POGZ: variants seen among roughly 807,000 people sequenced by gnomAD.
POGZ encodes pogo transposable element derived with ZNF domain.
In POGZ, 17 loss-of-function variants were observed where a neutral mutation model predicts 134.6. The observed-to-expected ratio is 0.13, with a 90% CI of 0.09 to 0.19. The LOEUF (loss-of-function observed/expected upper bound fraction) is 0.19. Among genes scored for constraint, POGZ ranks in the 10% least tolerant of loss-of-function variants. The pLI, the probability that POGZ is intolerant of heterozygous loss-of-function variation, is 1.00. For missense variants in POGZ, 1,306 were observed against 1,769.7 expected (o/e 0.74, Z 4.70); for synonymous variants, 693 against 657.1 (o/e 1.05, Z -0.84).
chr1:151,438,168 A>G (rs1164221540), intron 3 of POGZ, among the ~76,000 whole-genome samples: 2 of 151,716 alleles, frequency 1.3e-5, no homozygotes, highest in African/African-American at 4.8e-5. Context: ...CCAAGATCAC[A>G]TCACTGCACT....
At chr1:151,443,028 A>AAAC (rs1050114835) in intron 1 of POGZ, among the ~76,000 whole-genome samples, 4 of 152,074 alleles carry the variant, frequency 2.6e-5, no homozygotes, top group Non-Finnish European at 5.9e-5. Context: ...TCCGTCTCAA[A>AAAC]AACAACAACA....
intron 1 of POGZ, among the ~76,000 whole-genome samples, chr1:151,452,622 T>C (rs577181736): frequency 5.3e-4 from 81 of 152,170 alleles, no homozygotes; most frequent in Admixed American, 1.3e-3. Flanking sequence ...TCCCAGCACT[T>C]TGGGAGGCCA....
intron 4 of POGZ, among the ~76,000 whole-genome samples, chr1:151,430,316 A>G (rs553322479): frequency 6.6e-6 from 1 of 152,280 alleles, no homozygotes; most frequent in East Asian, 1.9e-4. Context: ...TACATCTCCA[A>G]AAGTTAACTA....
rs72996038 is a variant in POGZ at position 151,412,092 on chromosome 1, T to C, written c.1779+204A>G. Among the ~76,000 whole-genome samples, 2,620 of 152,338 alleles carry C rather than the reference T, an allele frequency of 0.017. 91 individuals carry two copies. Among genetic ancestry groups the C allele is most frequent in the African/African-American group, 0.06 (2,490 of 41,566 alleles). On this transcript the variant is annotated intron_variant, in intron 11 of 18. Coordinates refer to ENST00000271715, the MANE Select transcript of POGZ (RefSeq NM_015100.4). ...CTTAGAATATGCACATGTTCCCGGC[T>C]AGTCTACTTGTGGACATGTTCTTTT... is the stretch of plus-strand genomic sequence containing the variant.
At chr1:151,438,759 T>C (rs1443323975) in intron 3 of POGZ, among the ~76,000 whole-genome samples, 1 of 152,066 alleles carries the variant, frequency 6.6e-6, no homozygotes, top group African/African-American at 2.4e-5. Flanking sequence ...GTGCCTGTAG[T>C]CCTAGCTACT....
Position 151,408,323 on chromosome 1 carries a change from A to T in POGZ, c.2235-83T>A, listed in dbSNP as rs188916910. 1.9e-6 allele frequency: 3 copies of T among 1,571,636 alleles called. No homozygotes were observed. The East Asian group carries it at 6.7e-5, about 35-fold the overall frequency. ...GGATTTTCAGACAACAAACCCTGCT[A>T]AAAAGCTACCAGATTGCACTGTGTA... On this transcript the variant is annotated intron_variant, in intron 14 of 18. Transcript: ENST00000271715.
In POGZ at chr1:151,408,706, T is replaced by C. The variant is rs1188894955; in HGVS notation, c.2049A>G (p.Lys683=). 3.1e-6 allele frequency: 5 copies of C among 1,613,808 alleles called. No individual in the cohort carries two copies. In the Admixed American group the frequency reaches 6.7e-5, roughly 22 times the overall value. Residue 683 remains lysine (K), a synonymous_variant, in exon 13 of 19, where the codon AAA becomes AAG. Coordinates refer to ENST00000271715, the MANE Select transcript of POGZ (RefSeq NM_015100.4). ...FRKPKQLEGL[K]PGTKVTIRAS... ...GCAAACTCTTTACCTTGGTGCCTGG[T>C]TTCAAGCCCTCCAGCTGCTTGGGTT...
At position 151,404,841 on chromosome 1, in the gene POGZ, A is replaced by G. The variant is rs990921668; in HGVS notation, c.4194T>C (p.Tyr1398=). ...FEGESETESF[Y]GFEEADLDLM... ...GATCTAGGTCAGCTTCTTCAAAGCC[A>G]TAGAAAGACTCGGTCTCACTTTCAC... Residue 1398 remains tyrosine, a synonymous_variant, in exon 19 of 19, where the codon TAT becomes TAC. Coordinates refer to ENST00000271715, the MANE Select transcript of POGZ (RefSeq NM_015100.4). 1 of 1,612,674 alleles carries G rather than the reference A, an allele frequency of 6.2e-7. No homozygotes were observed. Among genetic ancestry groups the G allele is most frequent in the African/African-American group, 1.3e-5 (1 of 74,550 alleles).
chr1:151,431,438 A>G (rs1284844436), intron 3 of POGZ, among the ~76,000 whole-genome samples: 1 of 152,216 alleles, frequency 6.6e-6, no homozygotes, highest in Non-Finnish European at 1.5e-5. Context: ...ATTTTTTAAA[A>G]AGAATATTCA....
rs1366846216 is a variant in POGZ at position 151,417,725 on chromosome 1, CACACAA to C, written c.1679-5335_1679-5330del. 6.3e-3 allele frequency among the ~76,000 whole-genome samples: 848 copies of C among 135,476 alleles called. 9 individuals are homozygous for C. The highest frequency in any genetic ancestry group is 0.026 in the African/African-American group (805 of 31,006). The allele number at this position is 135,476 out of a possible 152,430, so 88.9% of individuals were successfully genotyped here. A position where few individuals can be genotyped will look rare whatever the true frequency, so the allele number is the denominator to read the frequency against. On this transcript the variant is annotated intron_variant, in intron 10 of 18. Coordinates refer to ENST00000271715, the MANE Select transcript of POGZ (RefSeq NM_015100.4). ...ACACACACACACACACACACACACA[CACACAA>C]AAGGCCTTATTTTTTAGAGCTACAT...
intron 10 of POGZ, among the ~76,000 whole-genome samples, chr1:151,416,161 C>T (rs1489280165): frequency 8.3e-6 from 1 of 121,212 alleles, no homozygotes; most frequent in Admixed American, 1.1e-4. Context: ...TGAGCTGAGA[C>T]TGTGCCACTG....
chr1:151,440,524 A>G (rs1369702713), intron 3 of POGZ, among the ~76,000 whole-genome samples: 2 of 152,204 alleles, frequency 1.3e-5, no homozygotes, highest in African/African-American at 4.8e-5. Context: ...ATACTCAGGA[A>G]CCAATAAACA....
rs772154987 is a variant in POGZ, at chr1:151,405,369, G to T, written c.3666C>A (p.Ser1222Arg). ...VWQKHTACQR[S>R]KGMLVMDCHR... ...GACAGTCCATCACAAGCATGCCTTT[G>T]CTGCGCTGGCAAGCTGTGTGCTTCT... Residue 1222 changes from serine to arginine, a missense_variant, in exon 19 of 19, where the codon AGC (serine) becomes AGA (arginine). Transcript: ENST00000271715. The surrounding 1 kb of genome is among the most constrained non-coding windows in gnomAD (Gnocchi z 4.9). The T allele has an allele frequency of 1.9e-6, 3 of 1,613,984 alleles. No individual in the cohort carries two copies. The African/African-American group carries it at 4.0e-5, about 22-fold the overall frequency.
chr1:151,406,728 C>T (rs1653718549), intron 17 of POGZ, 97 bp from the exon 18 acceptor site: 3 of 1,131,704 alleles, frequency 2.7e-6, no homozygotes, highest in African/African-American at 1.5e-5. Context: ...TACAAATACG[C>T]TGTTCGCAGT....
chr1:151,448,550 T>A (rs1277226626), intron 1 of POGZ, among the ~76,000 whole-genome samples: 1 of 152,170 alleles, frequency 6.6e-6, no homozygotes, highest in African/African-American at 2.4e-5. Context: ...AATCAAGCCT[T>A]TTAGCAAGTA....
Position 151,423,518 on chromosome 1 carries a change from G to A in POGZ, c.1557C>T (p.Leu519=), listed in dbSNP as rs141026698. 9.9e-5 allele frequency: 159 copies of A among 1,613,766 alleles called. No individual in the cohort carries two copies. Among genetic ancestry groups the A allele is most frequent in the Admixed American group, 4.2e-4 (25 of 59,996 alleles). ...CATCTACCTCACCGTTCTGCTGATC[G>A]AGTTCTACGTGGTGTTTCATATGGT... is the stretch of plus-strand genomic sequence containing the variant. ...FMNHMKHHVE[L]DQQNGEVDGH... Residue 519 remains leucine (L), a synonymous_variant, in exon 10 of 19, where the codon CTC becomes CTT. Transcript: ENST00000271715.
At chr1:151,436,119 G>A (rs998031622) in intron 3 of POGZ, among the ~76,000 whole-genome samples, 3 of 151,812 alleles carry the variant, frequency 2.0e-5, no homozygotes, top group Non-Finnish European at 4.4e-5. Context: ...ACCATGCCCG[G>A]CTAGTTTTTT....
rs762755453 is a variant in POGZ at position 151,423,586 on chromosome 1, A to C, written c.1524-35T>G. The C allele has an allele frequency of 1.4e-5, 21 of 1,542,498 alleles. No homozygotes were observed. The South Asian group carries it at 2.4e-4, about 18-fold the overall frequency. On this transcript the variant is annotated intron_variant, in intron 9 of 18. Transcript: ENST00000271715. The stretch of plus-strand genomic sequence containing the variant: ...AGCACAAAGAGAAAGTACAGAAAAC[A>C]TAAAAAATTGGTAGCCTTTTAGAAA...
intron 2 of POGZ, 141 bp from the exon 3 acceptor site, chr1:151,441,227 G>A: frequency 1.7e-6 from 1 of 591,828 alleles, no homozygotes; most frequent in South Asian, 2.5e-5. Flanking sequence ...CTGTTCATGT[G>A]ATTTCTCCTC....
Sources: allele counts gnomAD v4.1 joint callset (sites outside exome capture counted in the v4.1 genomes callset), GRCh38; gene constraint gnomAD v4.1.1; non-coding constraint Gnocchi (gnomAD v3.1); transcripts MANE v1.5; gene names NCBI Gene and HGNC (gene_info 2026-07-23, HGNC 2026-07-21).